Variants in TBC1D4 observed in about 807,000 individuals in gnomAD.
TBC1D4 encodes TBC (Tre-2, BUB2, CDC16) domain-containing protein.
TBC1D4 carries 121 observed loss-of-function variants against 142.5 expected under a neutral mutation model. The observed-to-expected ratio is 0.85, with a 90% CI of 0.73 to 0.99. The LOEUF is 0.99. Among genes scored for constraint, TBC1D4 ranks in the 50% least tolerant of loss-of-function variants. The pLI is 0.00. For missense variants in TBC1D4, 1,475 were observed against 1,606.6 expected (o/e 0.92, Z 1.40); for synonymous variants, 630 against 628.2 (o/e 1.00, Z -0.04).
chr13:75,374,942 C>A (rs1035492195), intron 1 of TBC1D4, among the ~76,000 whole-genome samples: 1 of 152,184 alleles, frequency 6.6e-6, no homozygotes, highest in Non-Finnish European at 1.5e-5. Flanking sequence ...CCCCCAGGTC[C>A]AATCTTCCCA....
intron 8 of TBC1D4, among the ~76,000 whole-genome samples, chr13:75,333,175 T>C (rs1879902402): frequency 6.6e-6 from 1 of 152,210 alleles, no homozygotes; most frequent in East Asian, 1.9e-4. Context: ...TGTATTAACA[T>C]AAAGGCCAAG....
At chr13:75,446,657 A>G (rs1409524560) in intron 1 of TBC1D4, among the ~76,000 whole-genome samples, 5 of 152,354 alleles carry the variant, frequency 3.3e-5, no homozygotes, top group African/African-American at 1.2e-4. Flanking sequence ...ACTGAATTCT[A>G]AATGAAATTT....
At chr13:75,300,534 A>G (rs533600719) in intron 16 of TBC1D4, among the ~76,000 whole-genome samples, 1 of 152,292 alleles carries the variant, frequency 6.6e-6, no homozygotes, top group Admixed American at 6.5e-5. Context: ...AGGAACCAAT[A>G]AGATTAATTC....
chr13:75,426,409 T>G (rs551266135), intron 1 of TBC1D4, among the ~76,000 whole-genome samples: 2 of 152,226 alleles, frequency 1.3e-5, no homozygotes, highest in Non-Finnish European at 2.9e-5. Flanking sequence ...ACAGAAAACA[T>G]GTATCCGGCT....
chr13:75,481,519 G>A lies in TBC1D4; in HGVS notation c.249C>T (p.Ile83=), dbSNP rs768828190. 64 of 1,610,638 alleles carry A rather than the reference G, an allele frequency of 4.0e-5. No homozygotes were observed. The highest frequency in any genetic ancestry group is 5.1e-5 in the Non-Finnish European group (60 of 1,178,400). ...GCGAPAAREV[I]LVLSAPFLRC... ...GCAGGAAGGGCGCGCTGAGCACCAG[G>A]ATCACCTCTCGGGCCGCCGGCGCCC... The change falls in exon 1 of 21, where the codon ATC becomes ATT. Residue 83 remains isoleucine (I), a synonymous_variant. Transcript: ENST00000377636.
chr13:75,467,665 A>G (rs1888221255), intron 1 of TBC1D4, among the ~76,000 whole-genome samples: 1 of 152,196 alleles, frequency 6.6e-6, no homozygotes, highest in Non-Finnish European at 1.5e-5. Context: ...TTTTCTAGAA[A>G]AATAAAGTTA....
In TBC1D4 at chr13:75,448,031, T is replaced by C. The variant is rs532775899; in HGVS notation, c.498+33239A>G. Reference sequence around the variant, plus strand: ...GCACAATAAATGTAATGCTCTTGAATCATCCCAAAACCATCCCCGCCACCA... The same window carrying C: ...GCACAATAAATGTAATGCTCTTGAACCATCCCAAAACCATCCCCGCCACCA... On this transcript the variant is annotated intron_variant, in intron 1 of 20. Coordinates refer to ENST00000377636, the MANE Select transcript of TBC1D4 (RefSeq NM_014832.5). 2.6e-5 allele frequency among the ~76,000 whole-genome samples: 4 copies of C among 152,256 alleles called. 1 individual carries two copies. The South Asian group carries it at 8.3e-4, about 32-fold the overall frequency.
At chr13:75,395,933 C>A (rs1376708947) in intron 1 of TBC1D4, among the ~76,000 whole-genome samples, 1 of 152,190 alleles carries the variant, frequency 6.6e-6, no homozygotes, top group East Asian at 1.9e-4. Context: ...ATTTAATTGG[C>A]TGGCTTGTTT....
chr13:75,308,004 A>G (rs1402411747), intron 14 of TBC1D4, among the ~76,000 whole-genome samples: 1 of 152,222 alleles, frequency 6.6e-6, no homozygotes, highest in Non-Finnish European at 1.5e-5. Flanking sequence ...TCTCTAGATT[A>G]TTGATCATTT....
intron 15 of TBC1D4, chr13:75,302,774 G>A (rs1386580235): frequency 3.7e-6 from 1 of 269,214 alleles, no homozygotes; most frequent in Non-Finnish European, 7.2e-6. Context: ...AGAAAGCTGA[G>A]GCAGAAAGAG....
chr13:75,348,729 A>T (rs1051425491), intron 5 of TBC1D4, among the ~76,000 whole-genome samples: 7 of 152,196 alleles, frequency 4.6e-5, no homozygotes, highest in Non-Finnish European at 8.8e-5. Context: ...CTACATTTTT[A>T]GAAAAGGAAC....
At chr13:75,340,208 A>G (rs574810954) in intron 7 of TBC1D4, among the ~76,000 whole-genome samples, 3 of 152,348 alleles carry the variant, frequency 2.0e-5, no homozygotes, top group African/African-American at 7.2e-5. Context: ...TTGTTCTGTG[A>G]CTAAATGAAG....
At chr13:75,320,981 A>C (rs1170733579) in intron 11 of TBC1D4, among the ~76,000 whole-genome samples, 3 of 151,338 alleles carry the variant, frequency 2.0e-5, no homozygotes, top group Non-Finnish European at 4.4e-5. Context: ...CGGAGCTTGC[A>C]GTGAGCTGAG....
chr13:75,355,156 G>A (rs1226532586), intron 4 of TBC1D4, among the ~76,000 whole-genome samples: 1 of 152,180 alleles, frequency 6.6e-6, no homozygotes, highest in Non-Finnish European at 1.5e-5. Context: ...GTCGGGCAGG[G>A]ATAATTGTGA....
chr13:75,405,507 G>A (rs960287090), intron 1 of TBC1D4, among the ~76,000 whole-genome samples: 4 of 152,096 alleles, frequency 2.6e-5, no homozygotes, highest in African/African-American at 9.7e-5. Context: ...CCTGAGTTCA[G>A]GCAATATGCC....
At chr13:75,408,063 T>C (rs1429041010) in intron 1 of TBC1D4, among the ~76,000 whole-genome samples, 1 of 152,180 alleles carries the variant, frequency 6.6e-6, no homozygotes, top group Non-Finnish European at 1.5e-5. Flanking sequence ...CACCATCATT[T>C]TCAGCACCCC....
At chr13:75,322,604 C>T (rs1878866786) in intron 11 of TBC1D4, among the ~76,000 whole-genome samples, 1 of 152,162 alleles carries the variant, frequency 6.6e-6, no homozygotes, top group African/African-American at 2.4e-5. Context: ...TACAGCTAAC[C>T]TTTGATCTTA....
chr13:75,337,705 G>A (rs1448728814), intron 7 of TBC1D4, among the ~76,000 whole-genome samples: 1 of 152,150 alleles, frequency 6.6e-6, no homozygotes, highest in Admixed American at 6.5e-5. Context: ...CACAAAGCAC[G>A]TGTAAGTATC....
chr13:75,304,181 A>G lies in TBC1D4; in HGVS notation c.2753-1780T>C, dbSNP rs574595744. On this transcript the variant is annotated intron_variant, in intron 15 of 20. Transcript: ENST00000377636. The stretch of plus-strand genomic sequence containing the variant: ...TTGAATGAATCAATGACAGCATAGA[A>G]AATGTCATTTTTAGAAGGTAACTAT... Among the ~76,000 whole-genome samples, 5 of 152,358 alleles carry G rather than the reference A, an allele frequency of 3.3e-5. No individual in the cohort carries two copies. The East Asian group carries it at 9.6e-4, about 29-fold the overall frequency.
Sources: allele counts gnomAD v4.1 joint callset (sites outside exome capture counted in the v4.1 genomes callset), GRCh38; gene constraint gnomAD v4.1.1; transcripts MANE v1.5; gene names NCBI Gene and HGNC (gene_info 2026-07-23, HGNC 2026-07-21).